WWOX: variants seen among roughly 807,000 people sequenced by gnomAD.
WWOX encodes the protein WW domain-containing oxidoreductase.
Under a neutral mutation model 46.2 loss-of-function variants are expected in WWOX, and 69 were observed. The ratio of observed to expected loss-of-function variants is 1.49; its 90% CI spans 1.23 to 1.82. The LOEUF is 1.82. Ranked by LOEUF, WWOX falls within the 40% of genes most tolerant of loss-of-function variation. The probability of loss-of-function intolerance (pLI) is 0.00; values close to 1 mark genes in which losing one functional copy is unlikely to be tolerated. For missense variants in WWOX, 919 were observed against 542.6 expected, an observed-to-expected ratio of 1.69 and a Z score of -6.89; for synonymous variants, 359 against 202.6, an observed-to-expected ratio of 1.77 and a Z score of -6.56.
chr16:78,672,826 A>C (rs2047499445), intron 8 of WWOX, among the ~76,000 whole-genome samples: 1 of 152,154 alleles, frequency 6.6e-6, no homozygotes, highest in African/African-American at 2.4e-5. Context: ...ACTTGATCGG[A>C]GTTCTATGGA....
intron 8 of WWOX, among the ~76,000 whole-genome samples, chr16:78,501,268 T>G (rs1221441822): frequency 7.8e-6 from 1 of 128,038 alleles, no homozygotes; most frequent in African/African-American, 2.8e-5. Flanking sequence ...AAAAAATAAA[T>G]AAAAGCAGAC....
At chr16:78,380,564 C>T (rs2081932223) in intron 5 of WWOX, among the ~76,000 whole-genome samples, 2 of 152,098 alleles carry the variant, frequency 1.3e-5, no homozygotes, top group African/African-American at 4.8e-5. Context: ...AATGGTTTAT[C>T]ACCCATTCAG....
intron 8 of WWOX, among the ~76,000 whole-genome samples, chr16:79,129,574 C>G (rs2049832705): frequency 6.6e-6 from 1 of 151,712 alleles, no homozygotes; most frequent in South Asian, 2.1e-4. Flanking sequence ...ATTAGGATTA[C>G]CTCTACCTGG....
At chr16:78,665,129 G>A (rs923602300) in intron 8 of WWOX, among the ~76,000 whole-genome samples, 17 of 152,142 alleles carry the variant, frequency 1.1e-4, no homozygotes, top group Admixed American at 3.3e-4. Flanking sequence ...AGAGCCCGGG[G>A]CTTTGTGGAA....
intron 8 of WWOX, among the ~76,000 whole-genome samples, chr16:78,788,210 A>T (rs2050503266): frequency 6.6e-6 from 1 of 152,206 alleles, no homozygotes; most frequent in African/African-American, 2.4e-5. Flanking sequence ...GTATCTAAGA[A>T]TCCATTGCCA....
In WWOX at chr16:78,765,808, G is replaced by T. The variant is rs549268606; in HGVS notation, c.1056+333056G>T. On this transcript the variant is annotated intron_variant, in intron 8 of 8. Coordinates refer to ENST00000566780, the MANE Select transcript of WWOX (RefSeq NM_016373.4). ...CACAACCTCTGTCAGAGAACTCATC[G>T]CACTATTTCTGTCCTGCCCTGGGAT... Among the ~76,000 whole-genome samples the T allele has an allele frequency of 3.0e-4, 46 of 152,316 alleles. No individual in the cohort carries two copies. The South Asian group carries it at 8.7e-3, about 29-fold the overall frequency.
chr16:78,516,231 TAAAC>T (rs1369475469), intron 8 of WWOX, among the ~76,000 whole-genome samples: 1 of 152,158 alleles, frequency 6.6e-6, no homozygotes, highest in Non-Finnish European at 1.5e-5. Flanking sequence ...CTTCCATCCT[TAAAC>T]AGACATCTAT....
At chr16:78,895,680 A>T (rs564836032) in intron 8 of WWOX, 2 of 152,182 alleles carry the variant, frequency 1.3e-5, no homozygotes, top group East Asian at 3.8e-4. Flanking sequence ...TTCTACTACT[A>T]TTATCTTGCC....
intron 8 of WWOX, among the ~76,000 whole-genome samples, chr16:78,813,354 C>T (rs138458109): frequency 2.0e-5 from 3 of 151,848 alleles, no homozygotes; most frequent in Non-Finnish European, 4.4e-5. Flanking sequence ...GTCCAAGAAG[C>T]CTGCTTTTCT....
chr16:78,233,227 A>G lies in WWOX; in HGVS notation c.516+68938A>G, dbSNP rs191013067. Among the ~76,000 whole-genome samples the G allele has an allele frequency of 7.5e-4, 114 of 152,344 alleles. 3 individuals carry two copies. The highest frequency in any genetic ancestry group is 2.6e-3 in the African/African-American group (107 of 41,572). Reference sequence around the variant, plus strand: ...GATCAACATGCTGAACTGACATTTCACAGATATGCAGATTTATTCATCTCT... The same window carrying G: ...GATCAACATGCTGAACTGACATTTCGCAGATATGCAGATTTATTCATCTCT... On this transcript the variant is annotated intron_variant, in intron 5 of 8. Coordinates refer to ENST00000566780, the MANE Select transcript of WWOX (RefSeq NM_016373.4).
chr16:79,089,633 G>T (rs923046277), intron 8 of WWOX, among the ~76,000 whole-genome samples: 3 of 152,122 alleles, frequency 2.0e-5, no homozygotes, highest in African/African-American at 7.2e-5. Flanking sequence ...CCCTGCTAAG[G>T]TGGCAATCTT....
At chr16:78,220,146 T>C (rs1597367580) in intron 5 of WWOX, among the ~76,000 whole-genome samples, 2 of 152,208 alleles carry the variant, frequency 1.3e-5, no homozygotes, top group East Asian at 1.9e-4. Flanking sequence ...AAATTTCTTA[T>C]CCAGTGGTGT....
At chr16:78,679,577 A>G (rs1018003748) in intron 8 of WWOX, among the ~76,000 whole-genome samples, 1 of 152,120 alleles carries the variant, frequency 6.6e-6, no homozygotes, top group Non-Finnish European at 1.5e-5. Context: ...AATAAAAAAT[A>G]AATATAATAC....
chr16:78,630,246 T>A (rs540882005), intron 8 of WWOX, among the ~76,000 whole-genome samples: 1 of 152,320 alleles, frequency 6.6e-6, no homozygotes, highest in Non-Finnish European at 1.5e-5. Context: ...TTGCTCACTG[T>A]TGCTGTGTGG....
intron 8 of WWOX, among the ~76,000 whole-genome samples, chr16:78,674,914 C>T (rs771372204): frequency 5.3e-5 from 8 of 151,782 alleles, no homozygotes; most frequent in Non-Finnish European, 1.0e-4. Flanking sequence ...AGTTCAAGAC[C>T]AAGGTGTATG....
At chr16:78,637,886 G>T (rs1282751360) in intron 8 of WWOX, among the ~76,000 whole-genome samples, 12 of 152,104 alleles carry the variant, frequency 7.9e-5, no homozygotes, top group Admixed American at 7.9e-4. Flanking sequence ...CTCTGTAATT[G>T]GTACCAGCAT....
intron 8 of WWOX, among the ~76,000 whole-genome samples, chr16:78,852,868 G>C (rs1366639243): frequency 1.3e-5 from 2 of 152,168 alleles, no homozygotes; most frequent in African/African-American, 2.4e-5. Flanking sequence ...TAAATTCTTT[G>C]TTCCCTCTGC....
chr16:78,594,206 A>G (rs1445397077), intron 8 of WWOX, among the ~76,000 whole-genome samples: 1 of 151,900 alleles, frequency 6.6e-6, no homozygotes, highest in African/African-American at 2.4e-5. Flanking sequence ...TTAACCCCAT[A>G]TACGAAGCAA....
chr16:78,366,968 C>CGTT (rs1567528529), intron 5 of WWOX, among the ~76,000 whole-genome samples: 1 of 91,114 alleles, frequency 1.1e-5, no homozygotes, highest in Non-Finnish European at 2.1e-5. Context: ...ACAAAAGTTA[C>CGTT]ATTTTTTTTT....
Sources: allele counts gnomAD v4.1 joint callset (sites outside exome capture counted in the v4.1 genomes callset), GRCh38; gene constraint gnomAD v4.1.1; transcripts MANE v1.5; gene names NCBI Gene and HGNC (gene_info 2026-07-23, HGNC 2026-07-21).